Variants in HCN1 observed in about 807,000 individuals in gnomAD.
The protein encoded by HCN1 is hyperpolarization activated cyclic nucleotide gated potassium channel 1.
HCN1 carries 13 observed loss-of-function variants against 78.9 expected under a neutral mutation model. That is an observed-to-expected ratio of 0.16 (90% CI 0.11 to 0.26). The LOEUF (loss-of-function observed/expected upper bound fraction) is 0.26. Ranked by LOEUF, HCN1 falls within the 10% of genes least tolerant of loss-of-function variation. The probability of loss-of-function intolerance (pLI) is 1.00; values close to 1 mark genes in which losing one functional copy is unlikely to be tolerated. For synonymous variants in HCN1, 552 were observed against 455.5 expected, an observed-to-expected ratio of 1.21 and a Z score of -2.70; for missense variants, 810 against 1,154.3, an observed-to-expected ratio of 0.70 and a Z score of 4.32.
chr5:45,509,427 G>C (rs929345487), intron 2 of HCN1, among the ~76,000 whole-genome samples: 10 of 152,112 alleles, frequency 6.6e-5, no homozygotes, highest in South Asian at 2.1e-4. Flanking sequence ...TTTGAATAGT[G>C]CAGAAGACTT....
chr5:45,661,416 C>T (rs1049279601), intron 1 of HCN1, among the ~76,000 whole-genome samples: 25 of 150,662 alleles, frequency 1.7e-4, no homozygotes, highest in African/African-American at 5.6e-4. Context: ...AGAGCAAACA[C>T]ATTCAAATGC....
intron 2 of HCN1, among the ~76,000 whole-genome samples, chr5:45,552,758 T>A (rs963004977): frequency 2.6e-5 from 4 of 151,930 alleles, no homozygotes; most frequent in Non-Finnish European, 5.9e-5. Context: ...ATTACAAATT[T>A]TTGTAAGCTT....
chr5:45,500,591 G>A (rs1240190008), intron 2 of HCN1, among the ~76,000 whole-genome samples: 2 of 152,066 alleles, frequency 1.3e-5, no homozygotes, highest in Non-Finnish European at 2.9e-5. Flanking sequence ...TTACAATATA[G>A]TTTAAATAAC....
chr5:45,428,017 G>A (rs1482710484), intron 3 of HCN1, among the ~76,000 whole-genome samples: 1 of 151,982 alleles, frequency 6.6e-6, no homozygotes, highest in Non-Finnish European at 1.5e-5. Flanking sequence ...TGGTTCTTAA[G>A]TAAAATTCTT....
At chr5:45,399,620 G>T (rs886859559) in intron 3 of HCN1, among the ~76,000 whole-genome samples, 2 of 151,810 alleles carry the variant, frequency 1.3e-5, no homozygotes, top group Non-Finnish European at 2.9e-5. Context: ...TTGTTAATAG[G>T]GTTTTCCAAC....
intron 2 of HCN1, among the ~76,000 whole-genome samples, chr5:45,636,772 C>T (rs964989332): frequency 2.0e-5 from 3 of 151,998 alleles, no homozygotes; most frequent in African/African-American, 7.3e-5. Flanking sequence ...CTTAGGAGTT[C>T]AAGGTTGCAG....
chr5:45,476,788 C>G (rs1274978176), intron 2 of HCN1, among the ~76,000 whole-genome samples: 1 of 152,114 alleles, frequency 6.6e-6, no homozygotes. Flanking sequence ...ATTTTGAGCA[C>G]TGCCATGATG....
At chr5:45,374,070 A>T (rs1747522476) in intron 4 of HCN1, among the ~76,000 whole-genome samples, 1 of 108,698 alleles carries the variant, frequency 9.2e-6, no homozygotes, top group East Asian at 2.3e-4. Context: ...TATATAATAT[A>T]TATAATATCT....
At chr5:45,585,830 C>A (rs1744205705) in intron 2 of HCN1, among the ~76,000 whole-genome samples, 1 of 152,122 alleles carries the variant, frequency 6.6e-6, no homozygotes, top group South Asian at 2.1e-4. Context: ...GTGGAGGCTG[C>A]AGAACAGCGG....
chr5:45,353,311 T>G, intron 4 of HCN1, 65 bp from the exon 5 acceptor site: 2 of 1,247,048 alleles, frequency 1.6e-6, no homozygotes, highest in Non-Finnish European at 2.3e-6. Context: ...ATCATATTAT[T>G]TTGTTTTGCT....
intron 2 of HCN1, among the ~76,000 whole-genome samples, chr5:45,561,947 T>C (rs919241683): frequency 1.3e-5 from 2 of 152,180 alleles, no homozygotes; most frequent in Non-Finnish European, 2.9e-5. Flanking sequence ...GACTTTGCAT[T>C]TGGCTGGTCC....
intron 2 of HCN1, among the ~76,000 whole-genome samples, chr5:45,622,934 G>A (rs535049373): frequency 6.6e-6 from 1 of 152,190 alleles, no homozygotes. Context: ...TTAAGTGATG[G>A]CACTCCACTC....
At chr5:45,600,410 T>C (rs1029585684) in intron 2 of HCN1, among the ~76,000 whole-genome samples, 1 of 152,216 alleles carries the variant, frequency 6.6e-6, no homozygotes, top group African/African-American at 2.4e-5. Flanking sequence ...CAGTATTTAA[T>C]AATGGAAACA....
intron 2 of HCN1, among the ~76,000 whole-genome samples, chr5:45,550,350 A>G (rs927861031): frequency 6.6e-6 from 1 of 152,178 alleles, no homozygotes; most frequent in African/African-American, 2.4e-5. Context: ...CTTTGTAGGG[A>G]CATGGATGAC....
chr5:45,278,025 C>A (rs967813459), intron 6 of HCN1, among the ~76,000 whole-genome samples: 1 of 152,062 alleles, frequency 6.6e-6, no homozygotes, highest in African/African-American at 2.4e-5. Flanking sequence ...TGCTTCTTTT[C>A]TTCCTGTGAT....
intron 2 of HCN1, among the ~76,000 whole-genome samples, chr5:45,541,734 T>C (rs773430454): frequency 5.3e-5 from 8 of 152,170 alleles, no homozygotes; most frequent in Non-Finnish European, 1.2e-4. Context: ...GATGTATCTT[T>C]TCTTCTTCTT....
intron 4 of HCN1, among the ~76,000 whole-genome samples, chr5:45,392,316 C>T (rs942655408): frequency 5.3e-5 from 8 of 151,858 alleles, no homozygotes; most frequent in Admixed American, 5.3e-4. Flanking sequence ...GATTATGGGC[C>T]TTCATTTACA....
At position 45,303,963 on chromosome 5, in the gene HCN1, T is replaced by C. The variant is rs542367883; in HGVS notation, c.1378-124A>G. On this transcript the variant is annotated intron_variant, in intron 5 of 7. Transcript: ENST00000303230. ...ATTTAAATTTAGATACAAAAATTCA[T>C]AAATTCTAGTAATGCGCATCATATT... The C allele has an allele frequency of 4.5e-5, 40 of 880,904 alleles. No individual in the cohort carries two copies. The East Asian group carries it at 9.2e-4, about 20-fold the overall frequency. The allele number at this position is 880,904 out of a possible 1,614,324, so 54.6% of individuals were successfully genotyped here.
intron 1 of HCN1, among the ~76,000 whole-genome samples, chr5:45,693,359 T>G (rs2112105628): frequency 6.6e-6 from 1 of 152,290 alleles, no homozygotes; most frequent in East Asian, 1.9e-4. Flanking sequence ...TAATTATGTT[T>G]TAAAATCTAT....
Sources: gnomAD v4.1 joint callset for allele counts (sites outside exome capture counted in the v4.1 genomes callset) on GRCh38, gnomAD v4.1.1 for gene constraint, MANE v1.5 for transcripts, NCBI Gene and HGNC (gene_info 2026-07-23, HGNC 2026-07-21) for gene names.